SH3GL2: variants seen among roughly 807,000 people sequenced by gnomAD.
SH3GL2 encodes endophilin-A1.
SH3GL2 carries 24 observed loss-of-function variants against 46.0 expected under a neutral mutation model. That is an observed-to-expected ratio of 0.52 (90% CI 0.38 to 0.73). The LOEUF is 0.73. Among genes scored for constraint, SH3GL2 ranks in the 30% least tolerant of loss-of-function variants. SH3GL2 has a pLI of 0.00. For missense variants in SH3GL2, 413 were observed against 424.2 expected, an observed-to-expected ratio of 0.97 and a Z score of 0.23; for synonymous variants, 196 against 147.1, an observed-to-expected ratio of 1.33 and a Z score of -2.40.
intron 1 of SH3GL2, among the ~76,000 whole-genome samples, chr9:17,674,163 G>T (rs1457105370): frequency 6.6e-6 from 1 of 152,166 alleles, no homozygotes; most frequent in Non-Finnish European, 1.5e-5. Context: ...CATGTTCTTT[G>T]TATTTATCTT....
chr9:17,598,077 T>G (rs565884854), intron 1 of SH3GL2, among the ~76,000 whole-genome samples: 2 of 152,346 alleles, frequency 1.3e-5, no homozygotes, highest in African/African-American at 4.8e-5. Context: ...TAGGGCACTC[T>G]CACGTGGAGG....
At chr9:17,662,037 T>A (rs1820230067) in intron 1 of SH3GL2, among the ~76,000 whole-genome samples, 1 of 152,208 alleles carries the variant, frequency 6.6e-6, no homozygotes, top group South Asian at 2.1e-4. Context: ...TCTTTTAAAT[T>A]TGTTGGGTTT....
chr9:17,754,823 G>A (rs1822943302), intron 2 of SH3GL2, among the ~76,000 whole-genome samples: 1 of 152,128 alleles, frequency 6.6e-6, no homozygotes, highest in South Asian at 2.1e-4. Flanking sequence ...AGTGATTTTT[G>A]AACATTGATT....
intron 1 of SH3GL2, among the ~76,000 whole-genome samples, chr9:17,737,854 T>G (rs1252285626): frequency 6.6e-6 from 1 of 152,094 alleles, no homozygotes; most frequent in East Asian, 1.9e-4. Flanking sequence ...CATGTTTTGC[T>G]TGTTTGCTTT....
At chr9:17,706,271 A>G (rs1821471578) in intron 1 of SH3GL2, among the ~76,000 whole-genome samples, 1 of 152,014 alleles carries the variant, frequency 6.6e-6, no homozygotes, top group South Asian at 2.1e-4. Context: ...TCTTCCTTTC[A>G]TACCTTTAAG....
chr9:17,707,861 C>T (rs1821512585), intron 1 of SH3GL2, among the ~76,000 whole-genome samples: 1 of 152,004 alleles, frequency 6.6e-6, no homozygotes, highest in Admixed American at 6.6e-5. Context: ...AAAGTAACCT[C>T]ACATGCATAT....
chr9:17,687,919 GTA>G, intron 1 of SH3GL2, among the ~76,000 whole-genome samples: 2 of 152,104 alleles, frequency 1.3e-5, no homozygotes, highest in Non-Finnish European at 2.9e-5. Context: ...GTTCTGTTAT[GTA>G]ACAAAATTCA....
intron 3 of SH3GL2, among the ~76,000 whole-genome samples, chr9:17,784,465 C>T (rs142885214): frequency 2.6e-5 from 4 of 152,104 alleles, no homozygotes; most frequent in Non-Finnish European, 5.9e-5. Flanking sequence ...TCCTTCTATT[C>T]ATTCTGTGTG....
intron 3 of SH3GL2, among the ~76,000 whole-genome samples, chr9:17,774,899 G>A (rs1823597800): frequency 6.7e-6 from 1 of 148,288 alleles, no homozygotes; most frequent in African/African-American, 2.4e-5. Flanking sequence ...CACTGGTGAA[G>A]CCATCAGATC....
chr9:17,741,070 T>C (rs1055888766), intron 1 of SH3GL2, among the ~76,000 whole-genome samples: 1 of 152,182 alleles, frequency 6.6e-6, no homozygotes, highest in African/African-American at 2.4e-5. Flanking sequence ...ATAAATTATT[T>C]TATGGATTGC....
At chr9:17,760,644 C>G (rs1212227976) in intron 2 of SH3GL2, among the ~76,000 whole-genome samples, 3 of 152,042 alleles carry the variant, frequency 2.0e-5, no homozygotes, top group African/African-American at 7.2e-5. Context: ...TCATTTATAC[C>G]TATGTCATAT....
Position 17,610,053 on chromosome 9 carries a change from T to TTGTCATATCCCC in SH3GL2, c.45+30770_45+30781dup, listed in dbSNP as rs1216289546. Among the ~76,000 whole-genome samples the TTGTCATATCCCC allele has an allele frequency of 9.8e-5, 15 of 152,310 alleles. 1 individual carries two copies. The East Asian group carries it at 1.9e-3, about 20-fold the overall frequency. Reference sequence around the variant, plus strand: ...TATTTTTCCTAAATCGGTCAATGTATTGTCATATCCCCTGTGTGCAGTTTT... The same window carrying TTGTCATATCCCC: ...TATTTTTCCTAAATCGGTCAATGTATTGTCATATCCCCTGTCATATCCCCTGTGTGCAGTTTT... On this transcript the variant is annotated intron_variant, in intron 1 of 8. Transcript: ENST00000380607.
intron 1 of SH3GL2, among the ~76,000 whole-genome samples, chr9:17,601,257 A>G (rs1818666065): frequency 6.7e-6 from 1 of 148,576 alleles, no homozygotes; most frequent in African/African-American, 2.5e-5. Flanking sequence ...TTTGGAATCA[A>G]TTTTTTTTTT....
intron 1 of SH3GL2, among the ~76,000 whole-genome samples, chr9:17,633,268 C>T (rs183074812): frequency 6.6e-6 from 1 of 152,252 alleles, no homozygotes; most frequent in East Asian, 1.9e-4. Context: ...CCCTTCTTGG[C>T]AGGAGTGGAC....
chr9:17,673,407 A>G (rs2117978948), intron 1 of SH3GL2, among the ~76,000 whole-genome samples: 1 of 151,556 alleles, frequency 6.6e-6, no homozygotes, highest in Admixed American at 6.6e-5. Context: ...CTGCCTCCCA[A>G]AGTGCTGGGA....
intron 1 of SH3GL2, among the ~76,000 whole-genome samples, chr9:17,738,687 A>T: frequency 7.3e-6 from 1 of 137,236 alleles, no homozygotes; most frequent in Non-Finnish European, 1.6e-5. Flanking sequence ...ATTTTATTTC[A>T]AGGAATTGCC....
At chr9:17,628,850 A>G (rs1819353620) in intron 1 of SH3GL2, among the ~76,000 whole-genome samples, 1 of 152,166 alleles carries the variant, frequency 6.6e-6, no homozygotes, top group Admixed American at 6.5e-5. Context: ...TTGATATTGG[A>G]TCCAATTCCA....
rs544685275 is a variant in SH3GL2, at chr9:17,716,574, C to T, written c.46-30492C>T. 2.6e-5 allele frequency among the ~76,000 whole-genome samples: 4 copies of T among 152,260 alleles called. No homozygotes were observed. The South Asian group carries it at 8.3e-4, about 32-fold the overall frequency. ...AGTGTGCTGAGTACTGTTCCCTCTA[C>T]TGTTTTTGGATGGTTCTTTTCTCAG... On this transcript the variant is annotated intron_variant, in intron 1 of 8. Transcript: ENST00000380607.
At chr9:17,748,959 G>A (rs1475777466) in intron 2 of SH3GL2, among the ~76,000 whole-genome samples, 1 of 152,224 alleles carries the variant, frequency 6.6e-6, no homozygotes, top group African/African-American at 2.4e-5. Flanking sequence ...AAGAGGCAGG[G>A]TCCTGTGAAA....
Sources: allele counts gnomAD v4.1 joint callset (sites outside exome capture counted in the v4.1 genomes callset), GRCh38; gene constraint gnomAD v4.1.1; transcripts MANE v1.5; gene names NCBI Gene and HGNC (gene_info 2026-07-23, HGNC 2026-07-21).